The following RAP1A variants were observed in gnomAD, a reference collection of about 807,000 sequenced individuals.
RAP1A encodes the protein ras-related protein Rap-1A.
A neutral mutation model predicts 26.4 loss-of-function variants in RAP1A; 6 were observed. The ratio of observed to expected loss-of-function variants is 0.23; its 90% CI spans 0.12 to 0.45. The LOEUF (loss-of-function observed/expected upper bound fraction) is 0.45, where lower values mean the gene tolerates loss of function less well. Ranked by LOEUF, RAP1A falls within the 20% of genes least tolerant of loss-of-function variation. The probability of loss-of-function intolerance (pLI) is 0.99; values close to 1 mark genes in which losing one functional copy is unlikely to be tolerated. For missense variants in RAP1A, 121 were observed against 217.2 expected (o/e 0.56, Z 2.78); for synonymous variants, 73 against 79.4 (o/e 0.92, Z 0.43).
At chr1:111,612,420 TCTG>T (rs564555189) in intron 1 of RAP1A, among the ~76,000 whole-genome samples, 15,125 of 152,198 alleles carry the variant, frequency 0.099, 1,144 homozygotes, top group African/African-American at 0.22. Context: ...ATATATAAAG[TCTG>T]TTGAATAAAA....
intron 1 of RAP1A, among the ~76,000 whole-genome samples, chr1:111,604,160 C>T (rs1658725898): frequency 6.6e-6 from 1 of 152,158 alleles, no homozygotes; most frequent in Non-Finnish European, 1.5e-5. Context: ...GTGACTCTAC[C>T]AGCAAAGTCA....
chr1:111,651,688 G>C (rs569298797), intron 1 of RAP1A, among the ~76,000 whole-genome samples: 4 of 151,748 alleles, frequency 2.6e-5, no homozygotes, highest in East Asian at 2.0e-4. Context: ...TGTTGGCCAG[G>C]CTGGTCTTGA....
intron 1 of RAP1A, among the ~76,000 whole-genome samples, chr1:111,629,924 C>G (rs142216188): frequency 1.3e-4 from 20 of 152,318 alleles, no homozygotes; most frequent in Middle Eastern, 3.4e-3. Flanking sequence ...ATCTGAACTA[C>G]AGTCATTCTC....
upstream of RAP1A, among the ~76,000 whole-genome samples, chr1:111,616,364 C>A (rs547981557): frequency 6.6e-6 from 1 of 152,288 alleles, no homozygotes; most frequent in South Asian, 2.1e-4. Context: ...ACCAATGGTT[C>A]ACATATACCG....
At chr1:111,691,516 C>A in intron 2 of RAP1A, 99 bp downstream of exon 2, 1 of 1,072,436 alleles carries the variant, frequency 9.3e-7, no homozygotes, top group South Asian at 1.3e-5. Flanking sequence ...GAAAAGGTGG[C>A]ATTATTATAT....
chr1:111,665,134 G>A (rs1660763504), intron 1 of RAP1A, among the ~76,000 whole-genome samples: 1 of 152,182 alleles, frequency 6.6e-6, no homozygotes, highest in Non-Finnish European at 1.5e-5. Context: ...GCTATATAAA[G>A]TTTAGTTGCT....
chr1:111,626,562 T>C (rs1659408326), intron 1 of RAP1A, among the ~76,000 whole-genome samples: 1 of 152,228 alleles, frequency 6.6e-6, no homozygotes, highest in Non-Finnish European at 1.5e-5. Context: ...AAGTATCTGC[T>C]AGGACAGAAA....
At chr1:111,701,335 T>G (rs1662015473) in intron 4 of RAP1A, among the ~76,000 whole-genome samples, 2 of 152,180 alleles carry the variant, frequency 1.3e-5, no homozygotes, top group Non-Finnish European at 2.9e-5. Context: ...ATAGAGCTTA[T>G]TCCCTCACCT....
At chr1:111,670,405 C>T (rs1167764282) in intron 1 of RAP1A, among the ~76,000 whole-genome samples, 2 of 151,948 alleles carry the variant, frequency 1.3e-5, no homozygotes, top group East Asian at 1.9e-4. Flanking sequence ...GCTCAGGAGG[C>T]GGAGGTTACA....
rs571227967 is a variant in RAP1A at position 111,653,135 on chromosome 1, A to G, written c.-28+33201A>G. ...CATCGATGAACCTTGGAAGCATGCT[A>G]AGCACAAAAGCCAGACACAAAAGGC... On this transcript the variant is annotated intron_variant, in intron 1 of 7. Coordinates refer to ENST00000369709, the MANE Select transcript of RAP1A (RefSeq NM_002884.4). 2.6e-5 allele frequency among the ~76,000 whole-genome samples: 4 copies of G among 152,348 alleles called. 1 individual carries two copies. The highest frequency in any genetic ancestry group is 9.6e-5 in the African/African-American group (4 of 41,590).
chr1:111,548,273 G>A (rs1356776332), intron 1 of RAP1A, among the ~76,000 whole-genome samples: 8 of 152,118 alleles, frequency 5.3e-5, no homozygotes, highest in Non-Finnish European at 1.2e-4. Flanking sequence ...CACCCACCTC[G>A]GCCTCCCAAA....
At chr1:111,620,687 T>G (rs758909709) in intron 1 of RAP1A, among the ~76,000 whole-genome samples, 1 of 152,220 alleles carries the variant, frequency 6.6e-6, no homozygotes, top group Non-Finnish European at 1.5e-5. Flanking sequence ...GTGTTCGCCT[T>G]TTCAGTGTTA....
At chr1:111,624,089 A>G (rs1659314881) in intron 1 of RAP1A, among the ~76,000 whole-genome samples, 1 of 152,238 alleles carries the variant, frequency 6.6e-6, no homozygotes, top group Non-Finnish European at 1.5e-5. Flanking sequence ...TTACTCGTTT[A>G]TAATGTCCCT....
intron 1 of RAP1A, among the ~76,000 whole-genome samples, chr1:111,596,965 T>C (rs528550234): frequency 6.6e-6 from 1 of 152,346 alleles, no homozygotes; most frequent in East Asian, 1.9e-4. Flanking sequence ...GTTTGTTGAA[T>C]GAATAAATAA....
At chr1:111,573,751 T>A (rs1658094622) in intron 1 of RAP1A, among the ~76,000 whole-genome samples, 1 of 152,230 alleles carries the variant, frequency 6.6e-6, no homozygotes, top group African/African-American at 2.4e-5. Flanking sequence ...GTTGGCCACA[T>A]GTATGTCTTT....
chr1:111,637,184 T>TA (rs1382355310), intron 1 of RAP1A, among the ~76,000 whole-genome samples: 2 of 152,228 alleles, frequency 1.3e-5, no homozygotes, highest in African/African-American at 2.4e-5. Context: ...AATAAAGAAG[T>TA]ACATTTTATA....
chr1:111,587,976 C>T (rs549356662), intron 1 of RAP1A, among the ~76,000 whole-genome samples: 169 of 152,280 alleles, frequency 1.1e-3, no homozygotes, highest in African/African-American at 4.0e-3. Context: ...CTTATGAGTT[C>T]TCTTTGGTGG....
intron 1 of RAP1A, among the ~76,000 whole-genome samples, chr1:111,573,914 T>G (rs933623850): frequency 6.6e-6 from 1 of 152,204 alleles, no homozygotes; most frequent in Non-Finnish European, 1.5e-5. Flanking sequence ...TTTGTCTGTT[T>G]ACTCTGTTGA....
At chr1:111,585,078 G>A (rs570565007) in intron 1 of RAP1A, among the ~76,000 whole-genome samples, 2 of 152,312 alleles carry the variant, frequency 1.3e-5, no homozygotes, top group African/African-American at 4.8e-5. Context: ...AGATAAGTCT[G>A]TCTCTAGCTA....
Sources: gnomAD v4.1 joint callset for allele counts (sites outside exome capture counted in the v4.1 genomes callset) on GRCh38, gnomAD v4.1.1 for gene constraint, MANE v1.5 for transcripts, NCBI Gene and HGNC (gene_info 2026-07-23, HGNC 2026-07-21) for gene names.